TTC17: variants seen among roughly 807,000 people sequenced by gnomAD.
TTC17 encodes tetratricopeptide repeat protein 17.
In TTC17, 58 loss-of-function variants were observed where a neutral mutation model predicts 143.8. The observed-to-expected ratio is 0.40, with a 90% CI of 0.33 to 0.50. The LOEUF (loss-of-function observed/expected upper bound fraction) is 0.50, where lower values mean the gene tolerates loss of function less well. TTC17 is among the 20% of genes least tolerant of loss of function. The probability of loss-of-function intolerance (pLI) is 0.49; values close to 1 mark genes in which losing one functional copy is unlikely to be tolerated. For missense variants in TTC17, 1,273 were observed against 1,392.5 expected (o/e 0.91, Z 1.37); for synonymous variants, 501 against 497.8 (o/e 1.01, Z -0.09).
In TTC17 at chr11:43,444,766, C is replaced by T. The variant is rs145134715; in HGVS notation, c.2665+557C>T. 8.1e-3 allele frequency among the ~76,000 whole-genome samples: 1,167 copies of T among 143,730 alleles called. 11 individuals carry two copies. Among genetic ancestry groups the T allele is most frequent in the Middle Eastern group, 0.011 (3 of 268 alleles). 94.3% of individuals were successfully genotyped at this position (143,730 alleles called of 152,430 possible). ...ACACACACACACACACACAGATGGC[C>T]GCTAAACTTGAGAAGATATTCAACC... On this transcript the variant is annotated intron_variant, in intron 18 of 23. Coordinates refer to ENST00000039989, the MANE Select transcript of TTC17 (RefSeq NM_018259.6).
chr11:43,441,652 T>C (rs1947424727), intron 16 of TTC17, among the ~76,000 whole-genome samples: 1 of 152,154 alleles, frequency 6.6e-6, no homozygotes. Flanking sequence ...TATAAAAATA[T>C]GTACATATTT....
At chr11:43,483,404 T>C (rs71490030) in intron 21 of TTC17, among the ~76,000 whole-genome samples, 1 of 152,050 alleles carries the variant, frequency 6.6e-6, no homozygotes, top group Non-Finnish European at 1.5e-5. Flanking sequence ...ATATATGTTG[T>C]CATATATAAT....
chr11:43,471,787 C>G (rs919811304), intron 21 of TTC17, among the ~76,000 whole-genome samples: 2 of 152,036 alleles, frequency 1.3e-5, no homozygotes, highest in Non-Finnish European at 2.9e-5. Flanking sequence ...AGGCTAACCA[C>G]TTAAGAGCAA....
intron 16 of TTC17, among the ~76,000 whole-genome samples, chr11:43,431,490 G>T (rs905442913): frequency 6.6e-6 from 1 of 152,180 alleles, no homozygotes; most frequent in African/African-American, 2.4e-5. Context: ...TGGATACCCT[G>T]ATAACTTCTA....
At chr11:43,364,790 A>T (rs942232859) in intron 1 of TTC17, among the ~76,000 whole-genome samples, 2 of 152,072 alleles carry the variant, frequency 1.3e-5, no homozygotes, top group Non-Finnish European at 2.9e-5. Flanking sequence ...CCACTTTTTC[A>T]ATTTTTTAAA....
intron 2 of TTC17, among the ~76,000 whole-genome samples, chr11:43,382,949 G>A (rs1400370461): frequency 6.6e-6 from 1 of 151,740 alleles, no homozygotes; most frequent in Non-Finnish European, 1.5e-5. Context: ...ACCTAGGCTG[G>A]AGTGCAGTGG....
chr11:43,482,984 T>C (rs1948315241), intron 21 of TTC17, among the ~76,000 whole-genome samples: 1 of 151,920 alleles, frequency 6.6e-6, no homozygotes, highest in South Asian at 2.1e-4. Context: ...AAGTACAAAT[T>C]CTCAATATCA....
chr11:43,383,946 T>A (rs139870384), intron 2 of TTC17, among the ~76,000 whole-genome samples: 177 of 152,024 alleles, frequency 1.2e-3, no homozygotes, highest in African/African-American at 4.0e-3. Flanking sequence ...GCAGGAGGAT[T>A]GCTTGAGACC....
chr11:43,414,784 G>C lies in TTC17; in HGVS notation c.2251+8G>C. On this transcript the variant is annotated splice_region_variant and intron_variant, in intron 16 of 23. Coordinates refer to ENST00000039989, the MANE Select transcript of TTC17 (RefSeq NM_018259.6). ...CTTCTTCTGTTTGCAGTGGTAAGCA[G>C]CTTTCAAATGCTGACAAACTAATGA... 1 of 1,608,212 alleles carries C rather than the reference G, an allele frequency of 6.2e-7. No individual in the cohort carries two copies. The highest frequency in any genetic ancestry group is 8.5e-7 in the Non-Finnish European group (1 of 1,178,058).
chr11:43,393,831 A>T (rs557391702), intron 5 of TTC17, among the ~76,000 whole-genome samples: 1 of 152,306 alleles, frequency 6.6e-6, no homozygotes, highest in East Asian at 1.9e-4. Flanking sequence ...CTTACCACAT[A>T]CTAGGTGGCT....
chr11:43,487,430 G>C (rs1224749378), intron 21 of TTC17, among the ~76,000 whole-genome samples: 1 of 152,150 alleles, frequency 6.6e-6, no homozygotes, highest in African/African-American at 2.4e-5. Context: ...ACAGGTGTGG[G>C]CCACCACACC....
intron 21 of TTC17, among the ~76,000 whole-genome samples, chr11:43,487,143 G>A (rs1395741983): frequency 6.6e-6 from 1 of 151,854 alleles, no homozygotes; most frequent in Non-Finnish European, 1.5e-5. Flanking sequence ...TTTTTTGTTT[G>A]TTTGTTTATT....
At chr11:43,491,872 C>A in intron 22 of TTC17, 148 bp from the exon 23 acceptor site, 1 of 918,456 alleles carries the variant, frequency 1.1e-6, no homozygotes, top group Non-Finnish European at 1.6e-6. Context: ...TATCACAGAC[C>A]AGTAGCAAAC....
chr11:43,473,656 C>G (rs1948130611), intron 21 of TTC17, among the ~76,000 whole-genome samples: 1 of 152,106 alleles, frequency 6.6e-6, no homozygotes, highest in South Asian at 2.1e-4. Flanking sequence ...AGGTGGATCA[C>G]TTGAGGTCAG....
chr11:43,450,134 C>G lies in TTC17; in HGVS notation c.2839C>G (p.Pro947Ala). ...ATPIQQPAME[P>A]LCNGNLPTSM... Reference sequence around the variant, plus strand: ...CCCTATACAGCAGCCAGCAATGGAGCCTCTTTGCAATGGCAATCTCCCCAC... The same window carrying G: ...CCCTATACAGCAGCCAGCAATGGAGGCTCTTTGCAATGGCAATCTCCCCAC... The change falls in exon 20 of 24, where the codon CCT (proline) becomes GCT (alanine). Residue 947 changes from proline to alanine, a missense_variant. Around this residue, in one of 3 missense-constraint regions of TTC17, gnomAD observed 878 missense variants for 899.8 expected, o/e 0.98. Transcript: ENST00000039989. 6.2e-7 allele frequency: 1 copy of G among 1,614,174 alleles called. No homozygotes were observed.
At chr11:43,400,277 T>TA (rs1328987442) in intron 9 of TTC17, among the ~76,000 whole-genome samples, 2 of 152,186 alleles carry the variant, frequency 1.3e-5, no homozygotes, top group East Asian at 3.9e-4. Flanking sequence ...ACAAGTCTTG[T>TA]AGATCCTAGA....
intron 1 of TTC17, 107 bp from the exon 2 acceptor site, chr11:43,379,126 T>C: frequency 9.7e-7 from 1 of 1,033,734 alleles, no homozygotes; most frequent in Admixed American, 2.0e-5. Context: ...GGAATAACGC[T>C]GATTACAATG....
rs376761375 is a variant in TTC17 at position 43,363,800 on chromosome 11, T to G, written c.159+4687T>G. ...ATGCAAGTGAGCACCTTGTACTCAGTAGATTTTTTTTCCTCTCATAACACT... is the reference window on the plus strand; with the variant it reads ...ATGCAAGTGAGCACCTTGTACTCAGGAGATTTTTTTTCCTCTCATAACACT... On this transcript the variant is annotated intron_variant, in intron 1 of 23. Coordinates refer to ENST00000039989, the MANE Select transcript of TTC17 (RefSeq NM_018259.6). 1.5e-3 allele frequency among the ~76,000 whole-genome samples: 226 copies of G among 152,314 alleles called. 9 individuals carry two copies. In the South Asian group the frequency reaches 0.045, roughly 30 times the overall value.
At chr11:43,464,963 C>T (rs1300422749) in intron 21 of TTC17, among the ~76,000 whole-genome samples, 1 of 152,162 alleles carries the variant, frequency 6.6e-6, no homozygotes, top group Non-Finnish European at 1.5e-5. Context: ...AAGTAGAAAG[C>T]TATGAAAAAC....
Sources: allele counts gnomAD v4.1 joint callset (sites outside exome capture counted in the v4.1 genomes callset), GRCh38; gene constraint gnomAD v4.1.1; regional missense constraint gnomAD v4.1.1; transcripts MANE v1.5; gene names NCBI Gene and HGNC (gene_info 2026-07-23, HGNC 2026-07-21).